The following RAPGEF5 variants were observed in gnomAD, a reference collection of about 807,000 sequenced individuals.
RAPGEF5 encodes the protein Rap guanine nucleotide exchange factor 5, also known as M-Ras-regulated GEF.
RAPGEF5 carries 65 observed loss-of-function variants against 125.2 expected under a neutral mutation model. That is an observed-to-expected ratio of 0.52 (90% confidence interval 0.43 to 0.64). RAPGEF5 has a LOEUF of 0.64. RAPGEF5 is among the 30% of genes least tolerant of loss of function. RAPGEF5 has a pLI of 0.00. For missense variants in RAPGEF5, 958 were observed against 1,048.1 expected (o/e 0.91, Z 1.19); for synonymous variants, 391 against 385.9 (o/e 1.01, Z -0.16).
At chr7:22,310,723 T>G (rs1384444733) in intron 3 of RAPGEF5, among the ~76,000 whole-genome samples, 1 of 152,228 alleles carries the variant, frequency 6.6e-6, no homozygotes, top group Non-Finnish European at 1.5e-5. Flanking sequence ...AACAATAAAT[T>G]TGATTGTTAA....
chr7:22,157,221 A>G (rs1783838995), intron 15 of RAPGEF5, among the ~76,000 whole-genome samples: 1 of 152,196 alleles, frequency 6.6e-6, no homozygotes, highest in South Asian at 2.1e-4. Flanking sequence ...ACATTAACCT[A>G]TAAGGTATAA....
At position 22,122,396 on chromosome 7, in the gene RAPGEF5, G is replaced by A; in HGVS notation, c.*10C>T. 1.9e-6 allele frequency: 3 copies of A among 1,594,762 alleles called. No individual in the cohort carries two copies. The highest frequency in any genetic ancestry group is 1.7e-6 in the Non-Finnish European group (2 of 1,163,152). ...GTGCTGCAGATACAGGGGAGGTGAGGCAGTGGGGCTCACACCCGAGGCTCG... is the reference window on the plus strand; with the variant it reads ...GTGCTGCAGATACAGGGGAGGTGAGACAGTGGGGCTCACACCCGAGGCTCG... On this transcript the variant is annotated 3_prime_UTR_variant, in exon 26 of 26. Transcript: ENST00000665637.
chr7:22,275,973 A>G (rs2128143653), intron 6 of RAPGEF5, among the ~76,000 whole-genome samples: 1 of 152,362 alleles, frequency 6.6e-6, no homozygotes, highest in Non-Finnish European at 1.5e-5. Flanking sequence ...TCTTTTCAAA[A>G]GAGCAGGTGT....
chr7:22,144,957 C>T (rs1410473896), intron 20 of RAPGEF5, 87 bp downstream of exon 20: 21 of 1,442,582 alleles, frequency 1.5e-5, no homozygotes, highest in Non-Finnish European at 1.7e-5. Context: ...TATCCCAACC[C>T]TTATCATCAT....
chr7:22,284,524 C>T (rs1782751863), intron 6 of RAPGEF5, among the ~76,000 whole-genome samples: 1 of 152,230 alleles, frequency 6.6e-6, no homozygotes. Flanking sequence ...AAAACTCAAT[C>T]TGCCTGGCCC....
intron 9 of RAPGEF5, among the ~76,000 whole-genome samples, chr7:22,197,036 A>C (rs1167438893): frequency 6.6e-6 from 1 of 152,192 alleles, no homozygotes; most frequent in Non-Finnish European, 1.5e-5. Flanking sequence ...CTACGTACAG[A>C]GAGAACATGA....
chr7:22,344,025 G>A (rs973995036), intron 1 of RAPGEF5, among the ~76,000 whole-genome samples: 3 of 152,068 alleles, frequency 2.0e-5, no homozygotes, highest in African/African-American at 7.2e-5. Context: ...CACAGAAATG[G>A]CCCTTGATTC....
intron 24 of RAPGEF5, among the ~76,000 whole-genome samples, chr7:22,126,440 C>A (rs1462246952): frequency 1.3e-5 from 2 of 152,126 alleles, no homozygotes; most frequent in African/African-American, 4.8e-5. Context: ...TTCTTTAGAC[C>A]AAGTACCACC....
At chr7:22,256,800 G>A (rs997077436) in intron 7 of RAPGEF5, among the ~76,000 whole-genome samples, 3 of 152,168 alleles carry the variant, frequency 2.0e-5, no homozygotes, top group Non-Finnish European at 4.4e-5. Flanking sequence ...ACATTAGCAG[G>A]AGAATAAGCA....
intron 24 of RAPGEF5, 124 bp downstream of exon 24, chr7:22,130,913 G>T (rs115033513): frequency 1.6e-5 from 21 of 1,329,160 alleles, no homozygotes; most frequent in Non-Finnish European, 2.0e-5. Context: ...AAGCAAATAA[G>T]CTCCTTGAAT....
At chr7:22,135,908 C>A (rs776541726) in intron 23 of RAPGEF5, 130 bp downstream of exon 23, 1 of 631,148 alleles carries the variant, frequency 1.6e-6, no homozygotes, top group Non-Finnish European at 2.6e-6. Flanking sequence ...CACAAGGCAA[C>A]ACAATTAGGT....
chr7:22,164,914 T>C (rs1326452385), intron 12 of RAPGEF5, among the ~76,000 whole-genome samples: 1 of 152,158 alleles, frequency 6.6e-6, no homozygotes, highest in African/African-American at 2.4e-5. Context: ...CTATAAATAA[T>C]GTTTTAAAAC....
intron 9 of RAPGEF5, among the ~76,000 whole-genome samples, chr7:22,218,754 C>T (rs75129449): frequency 0.011 from 1,662 of 152,236 alleles, 27 homozygotes; most frequent in African/African-American, 0.038. Flanking sequence ...TCAATAGTTC[C>T]AAGCAAAGTG....
intron 6 of RAPGEF5, among the ~76,000 whole-genome samples, chr7:22,278,701 C>A (rs1562504611): frequency 6.7e-6 from 1 of 149,520 alleles, no homozygotes. Flanking sequence ...GAATTGCAGG[C>A]CAGAAATAAT....
In RAPGEF5 at chr7:22,308,362, A is replaced by G. The variant is rs78185169; in HGVS notation, c.657T>C (p.Pro219=). 2.1e-3 allele frequency: 3,376 copies of G among 1,589,018 alleles called. 61 individuals carry two copies. In the African/African-American group the frequency reaches 0.037, roughly 17 times the overall value. Residue 219 remains proline, a synonymous_variant, in exon 5 of 26, where the codon CCT becomes CCC. Transcript: ENST00000665637. ...ACAGTTCACAGATGCCACCTCTGGC[A>G]GGAATGAGAGGCACAAGTTGCAGTA... ...KLLLQLVPLI[P]ARGGICELSH...
chr7:22,182,861 T>C (rs1158344710), intron 11 of RAPGEF5, among the ~76,000 whole-genome samples: 2 of 152,264 alleles, frequency 1.3e-5, no homozygotes. Context: ...TGAGGATTTA[T>C]GTTTCAAATG....
At chr7:22,209,462 C>T (rs80036426) in intron 9 of RAPGEF5, among the ~76,000 whole-genome samples, 8,239 of 152,232 alleles carry the variant, frequency 0.054, 354 homozygotes, top group South Asian at 0.16. Flanking sequence ...TAAAATTCTA[C>T]TCATACATAT....
chr7:22,173,921 T>C (rs184146611), intron 11 of RAPGEF5, among the ~76,000 whole-genome samples: 2 of 152,236 alleles, frequency 1.3e-5, no homozygotes, highest in Non-Finnish European at 2.9e-5. Context: ...GTCTGCCAAG[T>C]ATGCTGGGAA....
intron 6 of RAPGEF5, among the ~76,000 whole-genome samples, chr7:22,288,618 G>C (rs1192155969): frequency 1.3e-5 from 2 of 150,088 alleles, no homozygotes; most frequent in African/African-American, 4.9e-5. Context: ...TGCCTCCCAG[G>C]TTCACACCAT....
Sources: allele counts gnomAD v4.1 joint callset (sites outside exome capture counted in the v4.1 genomes callset), GRCh38; gene constraint gnomAD v4.1.1; transcripts MANE v1.5; gene names NCBI Gene and HGNC (gene_info 2026-07-23, HGNC 2026-07-21).